Variants in IPO11 observed in about 807,000 individuals in gnomAD.
IPO11 encodes the protein importin 11.
IPO11 carries 66 observed loss-of-function variants against 143.2 expected under a neutral mutation model. That is an observed-to-expected ratio of 0.46 (90% CI 0.38 to 0.57). The LOEUF is 0.57. Among genes scored for constraint, IPO11 ranks in the 20% least tolerant of loss-of-function variants. The probability of loss-of-function intolerance (pLI) is 0.00; values close to 1 mark genes in which losing one functional copy is unlikely to be tolerated. For synonymous variants in IPO11, 385 were observed against 377.8 expected (o/e 1.02, Z -0.22); for missense variants, 1,026 against 1,141.0 (o/e 0.90, Z 1.45).
At chr5:62,449,887 G>T in intron 3 of IPO11, 40 bp from the exon 4 acceptor site, 2 of 1,243,532 alleles carry the variant, frequency 1.6e-6, no homozygotes, top group Non-Finnish European at 2.3e-6. Context: ...ATTATTAGGT[G>T]GCATTCTTTT....
intron 6 of IPO11, among the ~76,000 whole-genome samples, chr5:62,467,657 C>T (rs917717444): frequency 6.6e-6 from 1 of 152,138 alleles, no homozygotes; most frequent in Non-Finnish European, 1.5e-5. Flanking sequence ...TCCCTCCTTT[C>T]CCTGGAAAGG....
At chr5:62,519,646 T>C (rs1462717091) in intron 20 of IPO11, among the ~76,000 whole-genome samples, 1 of 152,228 alleles carries the variant, frequency 6.6e-6, no homozygotes, top group Non-Finnish European at 1.5e-5. Context: ...TTAATAATTT[T>C]ATTTGCCTAG....
At chr5:62,525,872 T>C (rs1267056325) in intron 20 of IPO11, among the ~76,000 whole-genome samples, 2 of 152,248 alleles carry the variant, frequency 1.3e-5, no homozygotes, top group Admixed American at 6.5e-5. Flanking sequence ...ATATTTCTTA[T>C]ATGTGCAGTC....
chr5:62,495,300 C>T (rs1439509089), intron 16 of IPO11, among the ~76,000 whole-genome samples: 1 of 152,098 alleles, frequency 6.6e-6, no homozygotes, highest in Non-Finnish European at 1.5e-5. Context: ...AATTAATTTT[C>T]TTCTGTAATA....
intron 1 of IPO11, among the ~76,000 whole-genome samples, chr5:62,429,408 A>G (rs950068805): frequency 2.0e-5 from 3 of 151,970 alleles, no homozygotes; most frequent in African/African-American, 7.3e-5. Flanking sequence ...TATTTTATTT[A>G]TTTTAATTTA....
chr5:62,622,157 G>A (rs1035751489), intron 29 of IPO11, among the ~76,000 whole-genome samples: 1 of 152,048 alleles, frequency 6.6e-6, no homozygotes, highest in Non-Finnish European at 1.5e-5. Flanking sequence ...GAGAGGTTAG[G>A]CCTCAAAACG....
chr5:62,556,081 C>T (rs1743566535), intron 26 of IPO11, among the ~76,000 whole-genome samples: 1 of 152,148 alleles, frequency 6.6e-6, no homozygotes, highest in Admixed American at 6.5e-5. Context: ...TGTAATTTAA[C>T]ATTGATATTT....
intron 29 of IPO11, among the ~76,000 whole-genome samples, chr5:62,616,573 A>T (rs1286033877): frequency 1.3e-5 from 2 of 151,760 alleles, no homozygotes; most frequent in Non-Finnish European, 2.9e-5. Context: ...TACAAAAATC[A>T]GCTGGGCACG....
At chr5:62,562,901 C>T (rs7722527) in intron 27 of IPO11, among the ~76,000 whole-genome samples, 152 of 152,302 alleles carry the variant, frequency 1.0e-3, no homozygotes, top group African/African-American at 3.6e-3. Context: ...CTTAAAACAG[C>T]CCGATGAGGT....
intron 28 of IPO11, among the ~76,000 whole-genome samples, chr5:62,598,452 C>T (rs1427324582): frequency 1.5e-3 from 4 of 2,720 alleles, no homozygotes; most frequent in African/African-American, 5.6e-3. Context: ...CTCTCTCTCT[C>T]TCTCTCTCTC....
chr5:62,489,551 A>G (rs562254893), intron 14 of IPO11, among the ~76,000 whole-genome samples: 2 of 152,240 alleles, frequency 1.3e-5, no homozygotes, highest in African/African-American at 4.8e-5. Context: ...GTAGGTGATG[A>G]TCACCAGATA....
intron 28 of IPO11, among the ~76,000 whole-genome samples, chr5:62,598,553 C>CT (rs1321125709): frequency 1.2e-4 from 1 of 8,110 alleles, no homozygotes. Context: ...TCTTTTCTTT[C>CT]TTTTTTTTTT....
chr5:62,619,168 G>A (rs1746254245), intron 29 of IPO11, among the ~76,000 whole-genome samples: 1 of 152,154 alleles, frequency 6.6e-6, no homozygotes, highest in African/African-American at 2.4e-5. Context: ...GGCGGAGGCT[G>A]TAGTGAGCCA....
intron 27 of IPO11, chr5:62,580,165 A>G: frequency 6.4e-7 from 1 of 1,551,236 alleles, no homozygotes. Context: ...TATTGAAGCA[A>G]TACAGCCCTT....
intron 15 of IPO11, among the ~76,000 whole-genome samples, chr5:62,493,652 C>T (rs1017378054): frequency 6.6e-6 from 1 of 151,582 alleles, no homozygotes; most frequent in Non-Finnish European, 1.5e-5. Context: ...TTGCCAACCT[C>T]TGTCTCTTGG....
intron 5 of IPO11, among the ~76,000 whole-genome samples, chr5:62,455,208 C>T (rs1745088893): frequency 6.6e-6 from 1 of 152,084 alleles, no homozygotes; most frequent in African/African-American, 2.4e-5. Context: ...AAAGATGGTC[C>T]TCAAGTACCA....
At chr5:62,595,031 A>ACGAC (rs1261746122) in intron 28 of IPO11, among the ~76,000 whole-genome samples, 1 of 152,206 alleles carries the variant, frequency 6.6e-6, no homozygotes, top group African/African-American at 2.4e-5. Flanking sequence ...ATTGTGGAGG[A>ACGAC]CGACAGAAGG....
rs778434465 is a variant in IPO11 at position 62,601,752 on chromosome 5, A to T, written c.2679-12A>T. The T allele has an allele frequency of 6.9e-7, 1 of 1,459,272 alleles. No homozygotes were observed. 90.4% of individuals were successfully genotyped at this position (1,459,272 alleles called of 1,614,324 possible). A position where few individuals can be genotyped will look rare whatever the true frequency, so the allele number is the denominator to read the frequency against. ...TTTTATTTAAAACATGTTTTTTAAA[A>T]AATTATTATAGCTGTATGTTGATGT... is the stretch of plus-strand genomic sequence containing the variant. On this transcript the variant is annotated splice_polypyrimidine_tract_variant and intron_variant, in intron 28 of 29. Transcript: ENST00000325324.
intron 24 of IPO11, among the ~76,000 whole-genome samples, chr5:62,549,714 A>G (rs535435475): frequency 1.3e-5 from 2 of 152,148 alleles, no homozygotes; most frequent in East Asian, 3.8e-4. Flanking sequence ...ACAAAAATAA[A>G]CAAACTCCAC....
Sources: gnomAD v4.1 joint callset for allele counts (sites outside exome capture counted in the v4.1 genomes callset) on GRCh38, gnomAD v4.1.1 for gene constraint, MANE v1.5 for transcripts, NCBI Gene and HGNC (gene_info 2026-07-23, HGNC 2026-07-21) for gene names.